KNL1: variants seen among roughly 807,000 people sequenced by gnomAD.
KNL1 encodes the protein outer kinetochore KNL1 complex subunit KNL1.
In KNL1, 66 loss-of-function variants were observed where a neutral mutation model predicts 201.3. The observed-to-expected ratio is 0.33, with a 90% confidence interval of 0.27 to 0.40. KNL1 has a LOEUF of 0.40. Among genes scored for constraint, KNL1 ranks in the 10% least tolerant of loss-of-function variants. KNL1 has a pLI of 1.00. For missense variants in KNL1, 2,815 were observed against 2,690.5 expected (o/e 1.05, Z -1.02); for synonymous variants, 895 against 899.2 (o/e 1.00, Z 0.08).
At position 40,623,486 on chromosome 15, in the gene KNL1, G is replaced by C. The variant is rs1892620860; in HGVS notation, c.3222G>C (p.Lys1074Asn). The change falls in exon 10 of 26, where the codon AAG (lysine) becomes AAC (asparagine). Residue 1074 changes from lysine to asparagine, a missense_variant. Physicochemically the swap from Lys to Asn is moderately conservative, Grantham distance 94 (BLOSUM62 0). Transcript: ENST00000399668. Reference sequence around the variant, plus strand: ...AAAGCCTTAAGCTAAAAAATGACAAGACCATTGTATTTTCAGAGAATCATA... The same window carrying C: ...AAAGCCTTAAGCTAAAAAATGACAACACCATTGTATTTTCAGAGAATCATA... ...RRKSLKLKND[K>N]TIVFSENHKN... 6.2e-7 allele frequency: 1 copy of C among 1,612,176 alleles called. No individual in the cohort carries two copies. The highest frequency in any genetic ancestry group is 1.7e-4 in the Middle Eastern group (1 of 6,056).
intron 1 of KNL1, among the ~76,000 whole-genome samples, chr15:40,599,500 C>T (rs1730715092): frequency 6.6e-6 from 1 of 150,576 alleles, no homozygotes; most frequent in South Asian, 2.1e-4. Flanking sequence ...CCTCCCACCT[C>T]AGCCTCCAGA....
rs188101667 is a variant in KNL1 at position 40,659,362 on chromosome 15, C to T, written c.6737C>T (p.Ser2246Phe). 6.2e-7 allele frequency: 1 copy of T among 1,613,190 alleles called. No individual in the cohort carries two copies. Among genetic ancestry groups the T allele is most frequent in the East Asian group, 2.2e-5 (1 of 44,880 alleles). Residue 2246 changes from serine (S) to phenylalanine (F), a missense_variant, in exon 25 of 26, where the codon TCC (serine) becomes TTC (phenylalanine). By Grantham distance (155) the Ser-to-Phe change is radical. Coordinates refer to ENST00000399668, the MANE Select transcript of KNL1 (RefSeq NM_144508.5). ...AGATTGAGACTTTTATTCTCTAGCT[C>T]CGCAGCATTTGCAAAGTTTGAAATA... Reference protein sequence around the residue: ...NNELRLLFSSSAAFAKFEITL... With the variant: ...NNELRLLFSSFAAFAKFEITL...
At chr15:40,645,575 C>CAAAGAA in intron 15 of KNL1, 81 bp from the exon 16 acceptor site, 1 of 645,854 alleles carries the variant, frequency 1.5e-6, no homozygotes, top group East Asian at 2.9e-5. Flanking sequence ...TTAGGATAGG[C>CAAAGAA]AAAGCCTAGC....
chr15:40,660,707 G>A (rs893503567), intron 25 of KNL1, among the ~76,000 whole-genome samples: 52 of 147,974 alleles, frequency 3.5e-4, no homozygotes, highest in African/African-American at 1.2e-3. Context: ...GATGGCTCAC[G>A]CCTTTAAGCC....
chr15:40,608,745 CAA>C (rs35446763), intron 4 of KNL1, 100 bp from the exon 5 acceptor site: 37,005 of 524,554 alleles, frequency 0.071, no homozygotes, highest in South Asian at 0.11. Context: ...AACTCCATCT[CAA>C]AAAAAAAAAA....
intron 7 of KNL1, among the ~76,000 whole-genome samples, chr15:40,612,276 A>G (rs931431279): frequency 3.3e-5 from 5 of 150,938 alleles, no homozygotes; most frequent in Non-Finnish European, 7.4e-5. Flanking sequence ...AGATCATGCC[A>G]CTGCACTCCA....
At chr15:40,658,527 CAAAAAAA>C (rs35756393) in intron 24 of KNL1, among the ~76,000 whole-genome samples, 1 of 8,804 alleles carries the variant, frequency 1.1e-4, no homozygotes, top group African/African-American at 4.5e-4. Flanking sequence ...GACTCCATCT[CAAAAAAA>C]AAAAAAAAAA....
chr15:40,595,792 A>AT (rs1374751905), intron 1 of KNL1, among the ~76,000 whole-genome samples: 3 of 152,162 alleles, frequency 2.0e-5, no homozygotes, highest in African/African-American at 7.2e-5. Flanking sequence ...ATTTTCATTA[A>AT]TTTAAATGTA....
In KNL1 at chr15:40,659,544, G is replaced by A. The variant is rs374792718; in HGVS notation, c.6836+83G>A. The A allele has an allele frequency of 1.2e-5, 15 of 1,304,106 alleles. No individual in the cohort carries two copies. The East Asian group carries it at 1.4e-4, about 12-fold the overall frequency. The allele number at this position is 1,304,106 out of a possible 1,614,324, so 80.8% of individuals were successfully genotyped here. A position where few individuals can be genotyped will look rare whatever the true frequency, so the allele number is the denominator to read the frequency against. On this transcript the variant is annotated intron_variant, in intron 25 of 25. Coordinates refer to ENST00000399668, the MANE Select transcript of KNL1 (RefSeq NM_144508.5). Reference sequence around the variant, plus strand: ...GTCTGGCTCTGTTGCCCAGGCTGGAGTGTAGTGGCGCAATCTCGGCTCACT... The same window carrying A: ...GTCTGGCTCTGTTGCCCAGGCTGGAATGTAGTGGCGCAATCTCGGCTCACT...
chr15:40,633,538 A>T (rs181432364), intron 13 of KNL1, among the ~76,000 whole-genome samples: 3 of 151,980 alleles, frequency 2.0e-5, no homozygotes, highest in African/African-American at 7.2e-5. Flanking sequence ...ACTATACTAT[A>T]CTCTTTATTG....
At chr15:40,609,041 T>C (rs1044343020) in intron 5 of KNL1, 133 bp downstream of exon 5, 2 of 604,992 alleles carry the variant, frequency 3.3e-6, no homozygotes, top group African/African-American at 3.7e-5. Context: ...TTATTCAGTA[T>C]TATGTTTAAA....
intron 21 of KNL1, among the ~76,000 whole-genome samples, chr15:40,652,882 C>G (rs1445482241): frequency 1.3e-5 from 2 of 151,726 alleles, no homozygotes; most frequent in African/African-American, 4.8e-5. Context: ...TATATGGTAA[C>G]TGGACAGAGG....
Position 40,625,454 on chromosome 15 carries a change from C to T in KNL1, c.5190C>T (p.Asn1730=). The part of the protein sequence containing the change: ...PDEINSSDSI[N]IETEEKALIE... Reference sequence around the variant, plus strand: ...AGATCAATTCTTCAGACTCTATTAACATAGAAACTGAGGAAAAGGCCTTGA... The same window carrying T: ...AGATCAATTCTTCAGACTCTATTAATATAGAAACTGAGGAAAAGGCCTTGA... The change falls in exon 10 of 26, where the codon AAC becomes AAT. Residue 1730 remains asparagine (N), a synonymous_variant. Coordinates refer to ENST00000399668, the MANE Select transcript of KNL1 (RefSeq NM_144508.5). The T allele has an allele frequency of 1.2e-6, 2 of 1,613,596 alleles. No individual in the cohort carries two copies. Among genetic ancestry groups the T allele is most frequent in the Non-Finnish European group, 1.7e-6 (2 of 1,179,744 alleles).
chr15:40,618,658 T>C (rs931329016), intron 8 of KNL1, among the ~76,000 whole-genome samples: 7 of 152,196 alleles, frequency 4.6e-5, no homozygotes, highest in African/African-American at 1.4e-4. Flanking sequence ...TTAAGTCTTA[T>C]GAAATTTTAT....
intron 19 of KNL1, 76 bp from the exon 20 acceptor site, chr15:40,651,392 TATC>T: frequency 1.1e-6 from 1 of 869,578 alleles, no homozygotes; most frequent in Non-Finnish European, 1.7e-6. Context: ...TGTGACTTCT[TATC>T]ATAAACCTTT....
intron 9 of KNL1, among the ~76,000 whole-genome samples, chr15:40,620,128 G>C (rs1892467553): frequency 6.6e-6 from 1 of 151,800 alleles, no homozygotes; most frequent in Non-Finnish European, 1.5e-5. Context: ...ATCTTACTTT[G>C]TTACTCCTGG....
intron 15 of KNL1, 49 bp downstream of exon 15, chr15:40,645,136 C>A: frequency 1.6e-6 from 2 of 1,253,288 alleles, no homozygotes; most frequent in South Asian, 1.2e-5. Context: ...ACATTCTGAA[C>A]GATGTTTATT....
At chr15:40,613,821 A>G (rs995285748) in intron 7 of KNL1, among the ~76,000 whole-genome samples, 1 of 151,480 alleles carries the variant, frequency 6.6e-6, no homozygotes. Context: ...ATTTTGAGAT[A>G]GAGTCTCGCT....
intron 15 of KNL1, 100 bp downstream of exon 15, chr15:40,645,187 T>C: frequency 1.4e-6 from 1 of 729,536 alleles, no homozygotes; most frequent in Non-Finnish European, 2.3e-6. Flanking sequence ...TGATGAGTTA[T>C]TTAACTTATT....
Sources: allele counts gnomAD v4.1 joint callset (sites outside exome capture counted in the v4.1 genomes callset), GRCh38; gene constraint gnomAD v4.1.1; transcripts MANE v1.5; gene names NCBI Gene and HGNC (gene_info 2026-07-23, HGNC 2026-07-21).